LYPD5: variants seen among roughly 807,000 people sequenced by gnomAD.
The protein encoded by LYPD5 is LY6/PLAUR domain containing 5, also known as ly6/PLAUR domain-containing protein 5.
LYPD5 carries 21 observed loss-of-function variants against 19.1 expected under a neutral mutation model. The observed-to-expected ratio is 1.10, with a 90% CI of 0.78 to 1.58. LYPD5 has a LOEUF of 1.58. Ranked by LOEUF, LYPD5 falls within the 40% of genes most tolerant of loss-of-function variation. The pLI is 0.00. For missense variants in LYPD5, 287 were observed against 329.8 expected (o/e 0.87, Z 1.00); for synonymous variants, 128 against 142.7 (o/e 0.90, Z 0.74).
At chr19:43,800,963 CAAA>C (rs11354228) in intron 1 of LYPD5, among the ~76,000 whole-genome samples, 40 of 119,230 alleles carry the variant, frequency 3.4e-4, no homozygotes, top group Non-Finnish European at 4.3e-4. Context: ...GACTCTGTCT[CAAA>C]AAAAAAAAAA....
upstream of LYPD5, chr19:43,802,474 C>A: frequency 1.7e-6 from 2 of 1,186,534 alleles, no homozygotes; most frequent in Non-Finnish European, 2.4e-6. Context: ...GGCCACCCAG[C>A]CTGGCCAGTA....
At chr19:43,800,000 T>C in intron 1 of LYPD5, 166 bp from the exon 2 acceptor site, 1 of 790,286 alleles carries the variant, frequency 1.3e-6, no homozygotes, top group Non-Finnish European at 1.9e-6. Flanking sequence ...CACAGCTGTG[T>C]CTGTCTCATG....
rs780347177 is a variant in LYPD5, at chr19:43,797,652, C to A, written c.695G>T (p.Arg232Leu). The change falls in exon 5 of 5, where the codon CGA becomes CTA. Residue 232 changes from arginine to leucine, a missense_variant. Coordinates refer to ENST00000377950, the MANE Select transcript of LYPD5 (RefSeq NM_001031749.3). ...GAGCAGGGCCAGGACCTGTAGTGCT[C>A]GGGGAGGGGTGGTGGCTGAAGCACT... The part of the protein sequence containing the change: ...FTSASATTPP[R>L]ALQVLALLLP... 6.2e-7 allele frequency: 1 copy of A among 1,613,252 alleles called. No individual in the cohort carries two copies. The highest frequency in any genetic ancestry group is 8.5e-7 in the Non-Finnish European group (1 of 1,179,744).
At chr19:43,799,579 C>G in intron 2 of LYPD5, 127 bp downstream of exon 2, 3 of 1,055,264 alleles carry the variant, frequency 2.8e-6, no homozygotes, top group Non-Finnish European at 4.0e-6. Context: ...CCTCTTCTTC[C>G]TCTCCCTCCC....
chr19:43,805,003 T>C (rs1461685462), upstream of LYPD5, among the ~76,000 whole-genome samples: 1 of 152,236 alleles, frequency 6.6e-6, no homozygotes, highest in Non-Finnish European at 1.5e-5. Flanking sequence ...GTCAGCTCCC[T>C]GTACCTTTTG....
rs764545899 is a variant in LYPD5, at chr19:43,798,488, C to A, written c.484G>T (p.Ala162Ser). Residue 162 changes from alanine (A) to serine (S), a missense_variant, in exon 4 of 5, where the codon GCC becomes TCC. Coordinates refer to ENST00000377950, the MANE Select transcript of LYPD5 (RefSeq NM_001031749.3). ...ATTCTGCCATTGCCCTGGAAGCAGG[C>A]GGTCTGGTCCTGGTGACACTGGACT... ...RRVQCHQDQT[A>S]CFQGNGRMTV... The A allele has an allele frequency of 1.2e-6, 2 of 1,609,104 alleles. No individual in the cohort carries two copies. Among genetic ancestry groups the A allele is most frequent in the South Asian group, 2.2e-5 (2 of 91,088 alleles).
chr19:43,810,882 G>A lies in LYPD5; in HGVS notation c.-66+9658C>T, dbSNP rs561373233. 6.5e-4 allele frequency among the ~76,000 whole-genome samples: 98 copies of A among 151,880 alleles called. 3 individuals carry two copies. The highest frequency in any genetic ancestry group is 1.7e-3 in the South Asian group (8 of 4,802). On this transcript the variant is annotated intron_variant, in intron 1 of 4. Transcript: ENST00000414615. ...TGACCTTAGGTGATTCACCTGCCTC[G>A]GCCTCCCAAAGGACTGGGATTACAG...
upstream of LYPD5, among the ~76,000 whole-genome samples, chr19:43,802,940 G>A (rs543616055): frequency 6.6e-6 from 1 of 152,142 alleles, no homozygotes; most frequent in Non-Finnish European, 1.5e-5. Flanking sequence ...ACTCTTCGGG[G>A]GCCTCCAGGA....
upstream of LYPD5, among the ~76,000 whole-genome samples, chr19:43,805,921 C>T (rs1970267091): frequency 6.6e-6 from 1 of 151,904 alleles, no homozygotes; most frequent in African/African-American, 2.4e-5. Flanking sequence ...ATGTTTTGTA[C>T]AATCAATATC....
intron 1 of LYPD5, among the ~76,000 whole-genome samples, chr19:43,801,832 T>C (rs114129734): frequency 6.2e-4 from 94 of 152,326 alleles, no homozygotes; most frequent in African/African-American, 2.2e-3. Context: ...TCTAATTCCC[T>C]GTCTTTGTAA....
At chr19:43,800,916 G>A (rs900642879) in intron 1 of LYPD5, among the ~76,000 whole-genome samples, 2 of 150,102 alleles carry the variant, frequency 1.3e-5, no homozygotes, top group African/African-American at 2.5e-5. Flanking sequence ...AGCTGTGATC[G>A]CGCCACTGCA....
At chr19:43,802,285 C>T in intron 1 of LYPD5, 32 bp downstream of exon 1, 2 of 1,546,022 alleles carry the variant, frequency 1.3e-6, no homozygotes, top group Non-Finnish European at 1.8e-6. Context: ...CCACCTGCCC[C>T]TTCTCACTAC....
intron 1 of LYPD5, among the ~76,000 whole-genome samples, chr19:43,809,730 G>T (rs10406421): frequency 0.099 from 15,103 of 152,282 alleles, 883 homozygotes; most frequent in Non-Finnish European, 0.13. Flanking sequence ...AACAATTCCA[G>T]TCTGGTAGAG....
At chr19:43,808,233 G>C (rs1049538814) in intron 1 of LYPD5, among the ~76,000 whole-genome samples, 1 of 152,118 alleles carries the variant, frequency 6.6e-6, no homozygotes, top group Admixed American at 6.5e-5. Context: ...AGCCTCCGGA[G>C]AGGCTGGGAT....
intron 1 of LYPD5, among the ~76,000 whole-genome samples, chr19:43,813,104 A>G (rs929071691): frequency 2.6e-5 from 4 of 152,176 alleles, no homozygotes; most frequent in Non-Finnish European, 5.9e-5. Context: ...GTCTTGTGTA[A>G]TTACGTTACT....
At position 43,797,765 on chromosome 19, in the gene LYPD5, G is replaced by A. The variant is rs1485318994; in HGVS notation, c.582C>T (p.Thr194=). ...CHRPSCTTEG[T]TSPWTAIDLQ... ...GGTCGATGGCTGTCCAGGGGCTGGT[G>A]GTGCCCTCGGTGGTGCAGGAGGGCC... Residue 194 remains threonine (T), a synonymous_variant, in exon 5 of 5, where the codon ACC becomes ACT. Transcript: ENST00000377950. 1 of 1,613,890 alleles carries A rather than the reference G, an allele frequency of 6.2e-7. No individual in the cohort carries two copies. The highest frequency in any genetic ancestry group is 1.1e-5 in the South Asian group (1 of 91,070).
chr19:43,811,558 C>T (rs986004076), intron 1 of LYPD5, among the ~76,000 whole-genome samples: 6 of 152,036 alleles, frequency 3.9e-5, no homozygotes, highest in Admixed American at 6.6e-5. Flanking sequence ...TGGTGGTGGG[C>T]ACCTATAATC....
At position 43,796,599 on chromosome 19, in the gene LYPD5, C is replaced by T. The variant is rs1468524846; in HGVS notation, c.*992G>A. The T allele has an allele frequency of 6.6e-6, 1 of 152,176 alleles. No individual in the cohort carries two copies. The highest frequency in any genetic ancestry group is 6.5e-5 in the Admixed American group (1 of 15,272). The allele number at this position is 152,176 out of a possible 1,614,324, so 9.4% of individuals were successfully genotyped here. A position where few individuals can be genotyped will look rare whatever the true frequency, so the allele number is the denominator to read the frequency against. On this transcript the variant is annotated 3_prime_UTR_variant, in exon 5 of 5. Coordinates refer to ENST00000377950, the MANE Select transcript of LYPD5 (RefSeq NM_001031749.3). ...AGAATTTCACCTCGCTGAACTTTGC[C>T]TTGTGTGTTTTTCTGTGAAGTTAAT...
At position 43,796,305 on chromosome 19, in the gene LYPD5, A is replaced by C. The variant is rs1159368443; in HGVS notation, c.*1286T>G. On this transcript the variant is annotated 3_prime_UTR_variant, in exon 5 of 5. Coordinates refer to ENST00000377950, the MANE Select transcript of LYPD5 (RefSeq NM_001031749.3). ...CTGGAAAGATCAAGTGGCAAAAAGC[A>C]TGTGAAAGAACATGGTCAAGCATGT... is the stretch of plus-strand genomic sequence containing the variant. 1.3e-5 allele frequency: 2 copies of C among 152,398 alleles called. No homozygotes were observed. The highest frequency in any genetic ancestry group is 2.4e-5 in the African/African-American group (1 of 41,588). The allele number at this position is 152,398 out of a possible 1,614,324, so 9.4% of individuals were successfully genotyped here. A position where few individuals can be genotyped will look rare whatever the true frequency, so the allele number is the denominator to read the frequency against.
Sources: allele counts gnomAD v4.1 joint callset (sites outside exome capture counted in the v4.1 genomes callset), GRCh38; gene constraint gnomAD v4.1.1; transcripts MANE v1.5; gene names NCBI Gene and HGNC (gene_info 2026-07-23, HGNC 2026-07-21).